The following RPS6KB2 variants were observed in gnomAD, a reference collection of about 807,000 sequenced individuals.
The protein encoded by RPS6KB2 is ribosomal protein S6 kinase B2, also known as ribosomal protein S6 kinase beta-2.
In RPS6KB2, 51 loss-of-function variants were observed where a neutral mutation model predicts 58.2. That is an observed-to-expected ratio of 0.88 (90% CI 0.70 to 1.11). The LOEUF (loss-of-function observed/expected upper bound fraction) is 1.11. Ranked by LOEUF, RPS6KB2 falls within the 50% of genes least tolerant of loss-of-function variation. The probability of loss-of-function intolerance (pLI) is 0.00; values close to 1 mark genes in which losing one functional copy is unlikely to be tolerated. For missense variants in RPS6KB2, 671 were observed against 655.8 expected (o/e 1.02, Z -0.25); for synonymous variants, 293 against 258.6 (o/e 1.13, Z -1.28).
intron 1 of RPS6KB2, 97 bp downstream of exon 1, chr11:67,428,720 A>T (rs1216088900): frequency 8.3e-7 from 1 of 1,205,926 alleles, no homozygotes; most frequent in Admixed American, 2.3e-5. Context: ...GCGGGCTCCG[A>T]CTCTTTGCAG....
In RPS6KB2 at chr11:67,428,765, G is replaced by A. The variant is rs992311631; in HGVS notation, c.78+142G>A. 6.5e-5 allele frequency: 62 copies of A among 948,048 alleles called. 1 individual carries two copies. The highest frequency in any genetic ancestry group is 9.1e-5 in the Non-Finnish European group (56 of 613,802). The allele number at this position is 948,048 out of a possible 1,614,324, so 58.7% of individuals were successfully genotyped here. On this transcript the variant is annotated intron_variant, in intron 1 of 14. Transcript: ENST00000312629. Reference sequence around the variant, plus strand: ...CTTCTCAGATCCCGGTCTCTATTAAGTTCTGATCCCACCCTCACCCCGACC... The same window carrying A: ...CTTCTCAGATCCCGGTCTCTATTAAATTCTGATCCCACCCTCACCCCGACC...
rs1274279758 is a variant in RPS6KB2 at position 67,429,177 on chromosome 11, A to G, written c.177A>G (p.Pro59=). 2 of 1,613,902 alleles carry G rather than the reference A, an allele frequency of 1.2e-6. No homozygotes were observed. Among genetic ancestry groups the G allele is most frequent in the Non-Finnish European group, 1.7e-6 (2 of 1,180,034 alleles). The change falls in exon 3 of 15, where the codon CCA becomes CCG. Residue 59 remains proline (P), a synonymous_variant. Transcript: ENST00000312629. ...ELTETSVNVG[P]ERIGPHCFEL... ...CTGAGACCAGCGTGAACGTTGGCCC[A>G]GAGCGCATCGGGCCCCACTGCTTTG...
chr11:67,435,389 G>A lies in RPS6KB2; in HGVS notation c.*220G>A. ...TCAACTGCTCCCGTGGAAGATTAAA[G>A]GGCTGAATCATGGTGCTGACCTGGC... On this transcript the variant is annotated 3_prime_UTR_variant, in exon 15 of 15. Coordinates refer to ENST00000312629, the MANE Select transcript of RPS6KB2 (RefSeq NM_003952.3). The A allele has an allele frequency of 1.6e-6, 1 of 616,162 alleles. No homozygotes were observed. The highest frequency in any genetic ancestry group is 2.8e-5 in the East Asian group (1 of 35,208). The allele number at this position is 616,162 out of a possible 1,614,324, so 38.2% of individuals were successfully genotyped here.
Position 67,434,680 on chromosome 11 carries a change from C to T in RPS6KB2, c.1254C>T (p.Pro418=). 1.9e-6 allele frequency: 3 copies of T among 1,607,912 alleles called. No homozygotes were observed. The highest frequency in any genetic ancestry group is 1.7e-6 in the Non-Finnish European group (2 of 1,177,944). ...CACCCAGGCGCCTCAACAGTAGCCC[C>T]CGGGCCCCCGTCAGGTACTGAGGGA... ...LRSPRRLNSS[P]RAPVSPLKFS... The change falls in exon 14 of 15, where the codon CCC becomes CCT. Residue 418 remains proline, a synonymous_variant. Transcript: ENST00000312629.
chr11:67,428,623 G>A lies in RPS6KB2; in HGVS notation c.78G>A (p.Ala26=), dbSNP rs368827666. The A allele has an allele frequency of 2.5e-5, 40 of 1,608,604 alleles. No individual in the cohort carries two copies. The highest frequency in any genetic ancestry group is 3.2e-5 in the Non-Finnish European group (38 of 1,178,044). ...AGGGCGAGCCAGAGCTCAGCCCCGC[G>A]GTGAGTGCCCTGCCCTGGCGCGACT... ...EGEGEPELSP[A]DACPLAELRA... The change falls in exon 1 of 15, where the codon GCG becomes GCA. Residue 26 remains alanine (A), a splice_region_variant and synonymous_variant. Coordinates refer to ENST00000312629, the MANE Select transcript of RPS6KB2 (RefSeq NM_003952.3).
rs927895124 is a variant in RPS6KB2, at chr11:67,434,890, G to A, written c.1269-99G>A. ...GGAGTTTGTGGAGCCCGCGGCCTGT[G>A]TGCCTGGGCAGGTGGGAAAGGCTGC... On this transcript the variant is annotated intron_variant, in intron 14 of 14. Coordinates refer to ENST00000312629, the MANE Select transcript of RPS6KB2 (RefSeq NM_003952.3). 9.6e-6 allele frequency: 12 copies of A among 1,252,012 alleles called. No homozygotes were observed. In the African/African-American group the frequency reaches 1.5e-4, roughly 16 times the overall value. 77.6% of individuals were successfully genotyped at this position (1,252,012 alleles called of 1,614,324 possible).
intron 5 of RPS6KB2, 88 bp downstream of exon 5, chr11:67,431,603 G>A (rs1864024505): frequency 7.1e-7 from 1 of 1,416,380 alleles, no homozygotes; most frequent in East Asian, 2.4e-5. Flanking sequence ...GCTCTTGAGA[G>A]ATGAGTCTGT....
Position 67,428,589 on chromosome 11 carries a change from G to T in RPS6KB2, c.44G>T (p.Ser15Ile), listed in dbSNP as rs767587377. The change falls in exon 1 of 15, where the codon AGC becomes ATC. Residue 15 changes from serine to isoleucine, a missense_variant. Transcript: ENST00000312629. ...FDLDLETEEG[S>I]EGEGEPELSP... ...TTGGATTTGGAGACGGAGGAAGGCA[G>T]CGAGGGCGAGGGCGAGCCAGAGCTC... 2 of 1,610,976 alleles carry T rather than the reference G, an allele frequency of 1.2e-6. No individual in the cohort carries two copies. Among genetic ancestry groups the T allele is most frequent in the South Asian group, 2.2e-5 (2 of 90,990 alleles).
At chr11:67,433,690 G>T (rs1287254279) in intron 10 of RPS6KB2, among the ~76,000 whole-genome samples, 1 of 152,220 alleles carries the variant, frequency 6.6e-6, no homozygotes, top group Non-Finnish European at 1.5e-5. Flanking sequence ...TGATGAGCTG[G>T]CCACACTTCC....
Position 67,433,128 on chromosome 11 carries a change from C to T in RPS6KB2, c.710C>T (p.Ala237Val), listed in dbSNP as rs1864096398. The T allele has an allele frequency of 6.2e-7, 1 of 1,603,448 alleles. No individual in the cohort carries two copies. Among genetic ancestry groups the T allele is most frequent in the Non-Finnish European group, 8.5e-7 (1 of 1,176,002 alleles). ...HTFCGTIEYM[A>V]PEILVRSGHN... ...TGACAGTTCCACCTGGACCCCAGGG[C>T]CCCTGAGATTCTGGTGCGCAGTGGC... The change falls in exon 9 of 15, where the codon GCC (alanine) becomes GTC (valine). Residue 237 changes from alanine to valine, a missense_variant and splice_region_variant. By Grantham distance (64) the Ala-to-Val change is moderately conservative. Coordinates refer to ENST00000312629, the MANE Select transcript of RPS6KB2 (RefSeq NM_003952.3).
rs376846654 is a variant in RPS6KB2, at chr11:67,429,607, G to C, written c.309+12G>C. On this transcript the variant is annotated intron_variant, in intron 4 of 14. Transcript: ENST00000312629. ...AAGTCCTAAGGAAGGTGAGTCACTC[G>C]TTCAGCCAACGAATACTGTGTGGCT... 15 of 1,602,466 alleles carry C rather than the reference G, an allele frequency of 9.4e-6. No individual in the cohort carries two copies. In the African/African-American group the frequency reaches 2.0e-4, roughly 21 times the overall value.
chr11:67,430,899 T>C (rs1402602388), intron 4 of RPS6KB2: 1 of 153,928 alleles, frequency 6.5e-6, no homozygotes, highest in Admixed American at 6.5e-5. Context: ...AACCCTGTGT[T>C]AGAGGATAAA....
At chr11:67,434,855 T>G (rs1864210728) in intron 14 of RPS6KB2, 134 bp from the exon 15 acceptor site, 3 of 1,038,906 alleles carry the variant, frequency 2.9e-6, no homozygotes, top group Non-Finnish European at 4.3e-6. Flanking sequence ...GTGGCCAGGC[T>G]GCCTGGATGG....
intron 1 of RPS6KB2, 150 bp from the exon 2 acceptor site, chr11:67,428,832 C>T (rs931364479): frequency 9.7e-7 from 1 of 1,035,452 alleles, no homozygotes; most frequent in Non-Finnish European, 1.5e-6. Context: ...TTCTCCCTTT[C>T]CTGCCTTCGG....
At chr11:67,429,330 C>G in intron 3 of RPS6KB2, 90 bp downstream of exon 3, 1 of 1,546,178 alleles carries the variant, frequency 6.5e-7, no homozygotes, top group South Asian at 1.1e-5. Flanking sequence ...TGTGAATCAG[C>G]AGGGCCTCTA....
rs1465772401 is a variant in RPS6KB2 at position 67,433,424 on chromosome 11, G to C, written c.883G>C (p.Asp295His). The C allele has an allele frequency of 3.1e-6, 5 of 1,613,462 alleles. No individual in the cohort carries two copies. The highest frequency in any genetic ancestry group is 4.2e-6 in the Non-Finnish European group (5 of 1,179,646). The change falls in exon 10 of 15, where the codon GAT becomes CAT. Residue 295 changes from aspartate to histidine, a missense_variant. Physicochemically the swap from Asp to His is moderately conservative, Grantham distance 81 (BLOSUM62 -1). Transcript: ENST00000312629. ...KLALPPYLTP[D>H]ARDLVKKFLK... ...GGCACTGCCCCCCTACCTCACCCCA[G>C]ATGCCCGGGACCTTGTCAAAAAGGT...
Position 67,429,253 on chromosome 11 carries a change from G to A in RPS6KB2, c.240+13G>A. On this transcript the variant is annotated intron_variant, in intron 3 of 14. Transcript: ENST00000312629. ...GGGCTATGGCAAGGTAGGGGCGGGC[G>A]CACCCTCCTCCTGGCCTCACAGCCT... 3 of 1,611,430 alleles carry A rather than the reference G, an allele frequency of 1.9e-6. No individual in the cohort carries two copies. The highest frequency in any genetic ancestry group is 1.1e-5 in the South Asian group (1 of 91,056).
At chr11:67,429,089 C>G (rs1863939532) in intron 2 of RPS6KB2, 31 bp from the exon 3 acceptor site, 3 of 1,613,816 alleles carry the variant, frequency 1.9e-6, no homozygotes, top group Admixed American at 1.7e-5. Flanking sequence ...AGCACTGGAG[C>G]CTTGTCCTCA....
Position 67,429,516 on chromosome 11 carries a change from C to T in RPS6KB2, c.241-11C>T, listed in dbSNP as rs1255209689. ...GAGAGGGAAGTTGATCCTGTCTCCC[C>T]TGCCCTACAGGTGTTCCAGGTGCGA... is the stretch of plus-strand genomic sequence containing the variant. On this transcript the variant is annotated splice_polypyrimidine_tract_variant and intron_variant, in intron 3 of 14. Transcript: ENST00000312629. 7 of 1,611,548 alleles carry T rather than the reference C, an allele frequency of 4.3e-6. No individual in the cohort carries two copies. The highest frequency in any genetic ancestry group is 3.4e-6 in the Non-Finnish European group (4 of 1,178,906).
Sources: allele counts gnomAD v4.1 joint callset (sites outside exome capture counted in the v4.1 genomes callset), GRCh38; gene constraint gnomAD v4.1.1; transcripts MANE v1.5; gene names NCBI Gene and HGNC (gene_info 2026-07-23, HGNC 2026-07-21).